Variants in ZNF280D observed in about 807,000 individuals in gnomAD.
ZNF280D encodes zinc finger protein 280D, also known as suppressor of hairy wing homolog 4.
A neutral mutation model predicts 94.7 loss-of-function variants in ZNF280D; 39 were observed. The ratio of observed to expected loss-of-function variants is 0.41; its 90% CI spans 0.32 to 0.54. The LOEUF (loss-of-function observed/expected upper bound fraction) is 0.54. Among genes scored for constraint, ZNF280D ranks in the 20% least tolerant of loss-of-function variants. The pLI is 0.22. For synonymous variants in ZNF280D, 398 were observed against 377.6 expected (o/e 1.05, Z -0.63); for missense variants, 1,090 against 1,149.3 (o/e 0.95, Z 0.75).
intron 11 of ZNF280D, among the ~76,000 whole-genome samples, chr15:56,677,899 G>A (rs1596468509): frequency 6.6e-6 from 1 of 151,852 alleles, no homozygotes; most frequent in African/African-American, 2.4e-5. Flanking sequence ...TCTGTTATCC[G>A]CATTATTCAA....
chr15:56,634,136 TTGAG>T (rs1389089528), intron 21 of ZNF280D: 1 of 151,874 alleles, frequency 6.6e-6, no homozygotes, highest in Non-Finnish European at 1.5e-5. Flanking sequence ...TACATTATGA[TTGAG>T]TGAGTCTGTC....
chr15:56,638,728 C>T (rs1432620312), intron 20 of ZNF280D, among the ~76,000 whole-genome samples: 1 of 151,782 alleles, frequency 6.6e-6, no homozygotes, highest in Non-Finnish European at 1.5e-5. Flanking sequence ...TTATTTTTGA[C>T]AATAGTTTTA....
In ZNF280D at chr15:56,705,809, G is replaced by A. The variant is rs562318815; in HGVS notation, c.28+1273C>T. 1.1e-3 allele frequency among the ~76,000 whole-genome samples: 168 copies of A among 151,894 alleles called. 2 individuals are homozygous for A. Among genetic ancestry groups the A allele is most frequent in the African/African-American group, 3.7e-3 (155 of 41,410 alleles). On this transcript the variant is annotated intron_variant, in intron 3 of 21. Coordinates refer to ENST00000267807, the MANE Select transcript of ZNF280D (RefSeq NM_017661.4). ...ATTTTATATGTCTAACGTCATATAG[G>A]AATACATTTCCCCCTATACATTAGA...
intron 6 of ZNF280D, chr15:56,698,074 C>T (rs1236734903): frequency 5.3e-5 from 8 of 152,160 alleles, no homozygotes. Flanking sequence ...TACTTTGATA[C>T]TATACCAAAA....
At chr15:56,732,109 G>A (rs2058921493) in intron 1 of ZNF280D, among the ~76,000 whole-genome samples, 1 of 152,144 alleles carries the variant, frequency 6.6e-6, no homozygotes, top group African/African-American at 2.4e-5. Flanking sequence ...CCACAAAAAT[G>A]GTATATACTA....
intron 1 of ZNF280D, among the ~76,000 whole-genome samples, chr15:56,726,773 T>C (rs1387502238): frequency 6.6e-6 from 1 of 152,228 alleles, no homozygotes; most frequent in Non-Finnish European, 1.5e-5. Context: ...TTCAAAGACA[T>C]ATGGAAAACT....
chr15:56,688,576 T>C (rs1272800501), intron 9 of ZNF280D, among the ~76,000 whole-genome samples: 1 of 151,992 alleles, frequency 6.6e-6, no homozygotes, highest in Non-Finnish European at 1.5e-5. Context: ...TTATTTCATA[T>C]GAAATGCTTC....
chr15:56,653,033 A>C (rs1242111992), intron 19 of ZNF280D: 1 of 964,376 alleles, frequency 1.0e-6, no homozygotes, highest in Non-Finnish European at 1.2e-6. Context: ...AAAAAATCAA[A>C]ATGCAAGAAT....
chr15:56,696,706 A>C (rs1005381012), intron 6 of ZNF280D, among the ~76,000 whole-genome samples: 2 of 152,260 alleles, frequency 1.3e-5, no homozygotes, highest in Admixed American at 6.5e-5. Context: ...AAAGTCACTT[A>C]AACAGGATTC....
intron 8 of ZNF280D, 62 bp downstream of exon 8, chr15:56,689,238 C>T (rs1040025421): frequency 1.0e-5 from 16 of 1,546,504 alleles, no homozygotes; most frequent in African/African-American, 1.4e-5. Flanking sequence ...AATTTATAGC[C>T]ACTTCAAAAA....
intron 20 of ZNF280D, among the ~76,000 whole-genome samples, chr15:56,637,842 T>TAA (rs548373236): frequency 6.8e-6 from 1 of 146,680 alleles, no homozygotes; most frequent in Non-Finnish European, 1.5e-5. Flanking sequence ...CGAGACAAGT[T>TAA]AAAAAAAAAA....
Position 56,658,415 on chromosome 15 carries a change from A to T in ZNF280D, c.2057+9T>A. 6.3e-7 allele frequency: 1 copy of T among 1,582,236 alleles called. No individual in the cohort carries two copies. Among genetic ancestry groups the T allele is most frequent in the Non-Finnish European group, 8.6e-7 (1 of 1,169,016 alleles). The stretch of plus-strand genomic sequence containing the variant: ...CAATAGAAAGAGTAAAAAAAGATCA[A>T]CTAGTTACCGGAGATTTTCTGAATG... On this transcript the variant is annotated intron_variant, in intron 17 of 21. Coordinates refer to ENST00000267807, the MANE Select transcript of ZNF280D (RefSeq NM_017661.4).
At chr15:56,710,710 T>A (rs569131988) in intron 1 of ZNF280D, among the ~76,000 whole-genome samples, 35 of 152,280 alleles carry the variant, frequency 2.3e-4, no homozygotes, top group African/African-American at 8.2e-4. Flanking sequence ...GTTTTAACTA[T>A]CTGAAATTTT....
At chr15:56,669,653 T>C (rs1267527848) in intron 13 of ZNF280D, among the ~76,000 whole-genome samples, 1 of 148,094 alleles carries the variant, frequency 6.8e-6, no homozygotes, top group Admixed American at 7.0e-5. Context: ...TGAAGAGGCA[T>C]AAAACAGAAC....
At chr15:56,665,423 A>C (rs1269061471) in intron 16 of ZNF280D, among the ~76,000 whole-genome samples, 1 of 152,120 alleles carries the variant, frequency 6.6e-6, no homozygotes, top group Non-Finnish European at 1.5e-5. Context: ...AATAATGCAG[A>C]CTCTGAAGGC....
At chr15:56,721,868 T>G (rs2058384935) in intron 1 of ZNF280D, among the ~76,000 whole-genome samples, 1 of 152,208 alleles carries the variant, frequency 6.6e-6, no homozygotes, top group African/African-American at 2.4e-5. Context: ...AATGTTTCCT[T>G]CGCAATCACA....
intron 1 of ZNF280D, among the ~76,000 whole-genome samples, chr15:56,723,084 G>A (rs78356680): frequency 0.5 from 62,694 of 124,546 alleles, 16,272 homozygotes; most frequent in East Asian, 0.64. Flanking sequence ...ATTGTGGGGT[G>A]GGGGGAGGGG....
chr15:56,717,210 G>C (rs1372191703), intron 1 of ZNF280D, among the ~76,000 whole-genome samples: 9 of 152,238 alleles, frequency 5.9e-5, no homozygotes, highest in Middle Eastern at 3.4e-3. Context: ...GAGGAAGAAT[G>C]GTTTTCCAAA....
chr15:56,630,594 T>G lies in ZNF280D; in HGVS notation c.*904A>C, dbSNP rs183658427. ...GTTTTCAGTTTACTGCTTTACAATATCTACATTATACCATACTTTGGTTTG... is the reference window on the plus strand; with the variant it reads ...GTTTTCAGTTTACTGCTTTACAATAGCTACATTATACCATACTTTGGTTTG... On this transcript the variant is annotated 3_prime_UTR_variant, in exon 22 of 22. Coordinates refer to ENST00000267807, the MANE Select transcript of ZNF280D (RefSeq NM_017661.4). The G allele has an allele frequency of 6.6e-6, 1 of 152,284 alleles. No individual in the cohort carries two copies. The highest frequency in any genetic ancestry group is 2.4e-5 in the African/African-American group (1 of 41,572). The allele number at this position is 152,284 out of a possible 1,614,324, so 9.4% of individuals were successfully genotyped here. A position where few individuals can be genotyped will look rare whatever the true frequency, so the allele number is the denominator to read the frequency against.
Sources: gnomAD v4.1 joint callset for allele counts (sites outside exome capture counted in the v4.1 genomes callset) on GRCh38, gnomAD v4.1.1 for gene constraint, MANE v1.5 for transcripts, NCBI Gene and HGNC (gene_info 2026-07-23, HGNC 2026-07-21) for gene names.